Variants in AMN1 observed in about 807,000 individuals in gnomAD.
AMN1 encodes protein AMN1 homolog.
Under a neutral mutation model 33.0 loss-of-function variants are expected in AMN1, and 20 were observed. The observed-to-expected ratio is 0.61, with a 90% CI of 0.43 to 0.88. The LOEUF is 0.88. Ranked by LOEUF, AMN1 falls within the 40% of genes least tolerant of loss-of-function variation. The probability of loss-of-function intolerance (pLI) is 0.00; values close to 1 mark genes in which losing one functional copy is unlikely to be tolerated. For missense variants in AMN1, 246 were observed against 307.4 expected (o/e 0.80, Z 1.49); for synonymous variants, 114 against 111.9 (o/e 1.02, Z -0.12).
intron 1 of AMN1, chr12:31,715,928 G>A (rs555050261): frequency 2.6e-5 from 4 of 152,342 alleles, no homozygotes; most frequent in South Asian, 2.1e-4. Context: ...GTTTCCTAAC[G>A]TGACTAAATT....
intron 6 of AMN1, among the ~76,000 whole-genome samples, chr12:31,677,316 AAAAG>A (rs1187482422): frequency 1.3e-5 from 2 of 152,140 alleles, no homozygotes; most frequent in African/African-American, 4.8e-5. Flanking sequence ...AAGAAAAAGA[AAAAG>A]AATCACATAC....
At chr12:31,697,704 CAT>C (rs1491486879) in intron 4 of AMN1, 34 bp downstream of exon 4, 11 of 1,556,312 alleles carry the variant, frequency 7.1e-6, no homozygotes, top group South Asian at 6.7e-5. Context: ...TTGGTAAACA[CAT>C]AGTCTATATG....
At position 31,683,397 on chromosome 12, in the gene AMN1, G is replaced by C. The variant is rs962798322; in HGVS notation, c.703+5610C>G. The stretch of plus-strand genomic sequence containing the variant: ...CCTTTCAGGGTTGTGAACTGAACTA[G>C]TTACTTTTCTCATGGAACACCATTT... On this transcript the variant is annotated intron_variant, in intron 6 of 6. Transcript: ENST00000281471. The surrounding 1 kb of genome is among the most constrained non-coding windows in gnomAD (Gnocchi z 4.1). Among the ~76,000 whole-genome samples the C allele has an allele frequency of 2.0e-5, 3 of 152,212 alleles. No individual in the cohort carries two copies. Among genetic ancestry groups the C allele is most frequent in the African/African-American group, 4.8e-5 (2 of 41,458 alleles).
chr12:31,689,130 TA>T lies in AMN1; in HGVS notation c.592-13del, dbSNP rs766575052. ...CCCATATGAATCTCCTATGCAAAAA[TA>T]AAGAAAATAAAGTCAAATGAAAACA... On this transcript the variant is annotated splice_polypyrimidine_tract_variant and intron_variant, in intron 5 of 6. Transcript: ENST00000281471. The T allele has an allele frequency of 1.6e-5, 25 of 1,528,850 alleles. No individual in the cohort carries two copies. Among genetic ancestry groups the T allele is most frequent in the Non-Finnish European group, 2.2e-5 (24 of 1,109,276 alleles). The allele number at this position is 1,528,850 out of a possible 1,614,324, so 94.7% of individuals were successfully genotyped here. A position where few individuals can be genotyped will look rare whatever the true frequency, so the allele number is the denominator to read the frequency against.
intron 6 of AMN1, among the ~76,000 whole-genome samples, chr12:31,686,467 G>T (rs1370881288): frequency 1.3e-5 from 2 of 151,876 alleles, no homozygotes; most frequent in Non-Finnish European, 2.9e-5. Flanking sequence ...AAGAAAATTG[G>T]TATTTATTGC....
At chr12:31,724,903 C>A (rs1204372286) in intron 1 of AMN1, among the ~76,000 whole-genome samples, 5 of 152,224 alleles carry the variant, frequency 3.3e-5, no homozygotes, top group African/African-American at 1.2e-4. Flanking sequence ...GGCCACAAAG[C>A]CCATCCAGAA....
chr12:31,695,490 T>TCTTTC (rs1555187137), intron 5 of AMN1, among the ~76,000 whole-genome samples: 5 of 138,604 alleles, frequency 3.6e-5, no homozygotes, highest in South Asian at 2.3e-4. Context: ...TTTCTTTCTT[T>TCTTTC]TTTTTTTTTT....
rs556672469 is a variant in AMN1 at position 31,683,108 on chromosome 12, G to A, written c.703+5899C>T. 2.0e-4 allele frequency among the ~76,000 whole-genome samples: 31 copies of A among 152,092 alleles called. No individual in the cohort carries two copies. The highest frequency in any genetic ancestry group is 1.4e-3 in the East Asian group (7 of 5,162). On this transcript the variant is annotated intron_variant, in intron 6 of 6. Coordinates refer to ENST00000281471, the MANE Select transcript of AMN1 (RefSeq NM_001113402.2). This position sits in a 1 kb window ranked among gnomAD's most constrained non-coding sequence, Gnocchi z 4.1. ...CATCAGAGTAGCTGGGATTACAGGCGTGCGCCACCATGCCCAGCTAATTTT... is the reference window on the plus strand; with the variant it reads ...CATCAGAGTAGCTGGGATTACAGGCATGCGCCACCATGCCCAGCTAATTTT...
intron 1 of AMN1, among the ~76,000 whole-genome samples, chr12:31,711,512 G>A (rs1308532076): frequency 6.6e-6 from 1 of 152,168 alleles, no homozygotes; most frequent in African/African-American, 2.4e-5. Flanking sequence ...CCTTGCATGA[G>A]CTTGCTGGCT....
intron 6 of AMN1, among the ~76,000 whole-genome samples, chr12:31,679,124 A>G (rs2139655174): frequency 6.6e-6 from 1 of 152,162 alleles, no homozygotes; most frequent in South Asian, 2.1e-4. Context: ...TCTGACCAAC[A>G]TGGCGAAACC....
intron 5 of AMN1, among the ~76,000 whole-genome samples, chr12:31,695,377 G>A (rs918120810): frequency 4.0e-5 from 6 of 151,868 alleles, no homozygotes; most frequent in Admixed American, 1.3e-4. Flanking sequence ...GTAAGTGCTC[G>A]ACAAATGTTT....
At chr12:31,680,096 C>T (rs889513612) in intron 6 of AMN1, among the ~76,000 whole-genome samples, 12 of 144,936 alleles carry the variant, frequency 8.3e-5, no homozygotes, top group Non-Finnish European at 1.7e-4. Flanking sequence ...ACACTCCAGG[C>T]GGCAACAAAG....
Position 31,711,021 on chromosome 12 carries a change from T to TG in AMN1, c.39-1597dup, listed in dbSNP as rs200066642. Among the ~76,000 whole-genome samples, 35 of 152,212 alleles carry TG rather than the reference T, an allele frequency of 2.3e-4. No homozygotes were observed. In the East Asian group the frequency reaches 6.6e-3, roughly 29 times the overall value. On this transcript the variant is annotated intron_variant, in intron 1 of 6. Transcript: ENST00000281471. Reference sequence around the variant, plus strand: ...GCCTCCCAGGTTCAAGCAATTCTTCTGCCTCAGCCTCCCAAGTAGCTGAGA... The same window carrying TG: ...GCCTCCCAGGTTCAAGCAATTCTTCTGGCCTCAGCCTCCCAAGTAGCTGAGA...
chr12:31,697,705 A>G, intron 4 of AMN1, 35 bp downstream of exon 4: 2 of 1,578,744 alleles, frequency 1.3e-6, no homozygotes, highest in South Asian at 1.1e-5. Context: ...TGGTAAACAC[A>G]TAGTCTATAT....
chr12:31,717,876 C>T (rs2139724442), intron 1 of AMN1, among the ~76,000 whole-genome samples: 1 of 152,104 alleles, frequency 6.6e-6, no homozygotes, highest in South Asian at 2.1e-4. Flanking sequence ...CCCCTTGTCC[C>T]CAACCCCCCG....
rs1027942417 is a variant in AMN1 at position 31,671,794 on chromosome 12, A to C, written c.*510T>G. The C allele has an allele frequency of 6.6e-6, 1 of 152,556 alleles. No homozygotes were observed. Among genetic ancestry groups the C allele is most frequent in the Non-Finnish European group, 1.5e-5 (1 of 68,296 alleles). The allele number at this position is 152,556 out of a possible 1,614,324, so 9.5% of individuals were successfully genotyped here. A position where few individuals can be genotyped will look rare whatever the true frequency, so the allele number is the denominator to read the frequency against. ...TGAAACAAATACCTAAATTCTTTGAAGAATTAACAGGCTTGATGTTCAGGT... is the reference window on the plus strand; with the variant it reads ...TGAAACAAATACCTAAATTCTTTGACGAATTAACAGGCTTGATGTTCAGGT... On this transcript the variant is annotated 3_prime_UTR_variant, in exon 7 of 7. Transcript: ENST00000281471.
intron 6 of AMN1, among the ~76,000 whole-genome samples, chr12:31,688,704 A>G (rs1165857427): frequency 2.0e-5 from 3 of 152,078 alleles, no homozygotes; most frequent in Admixed American, 6.6e-5. Context: ...CCAGCTACTC[A>G]GGAGGCTGAG....
intron 1 of AMN1, among the ~76,000 whole-genome samples, chr12:31,714,219 C>T (rs1939584214): frequency 6.6e-6 from 1 of 152,102 alleles, no homozygotes; most frequent in Non-Finnish European, 1.5e-5. Context: ...ACACCTCCAC[C>T]TGTAACATAA....
At position 31,697,894 on chromosome 12, in the gene AMN1, T is replaced by C. The variant is rs557425414; in HGVS notation, c.380A>G (p.Asn127Ser). 4.0e-5 allele frequency: 65 copies of C among 1,614,022 alleles called. No homozygotes were observed. The highest frequency in any genetic ancestry group is 7.7e-5 in the South Asian group (7 of 91,088). ...AGCAACGACTCCTTCGTCAGTGAGA[T>C]TGCAGCATCTTTTCAAAGAAGCTTC... ...LHEASLKRCC[N>S]LTDEGVVALA... The change falls in exon 4 of 7, where the codon AAT (asparagine) becomes AGT (serine). Residue 127 changes from asparagine (N) to serine (S), a missense_variant. Coordinates refer to ENST00000281471, the MANE Select transcript of AMN1 (RefSeq NM_001113402.2).
Sources: allele counts gnomAD v4.1 joint callset (sites outside exome capture counted in the v4.1 genomes callset), GRCh38; gene constraint gnomAD v4.1.1; non-coding constraint Gnocchi (gnomAD v3.1); transcripts MANE v1.5; gene names NCBI Gene and HGNC (gene_info 2026-07-23, HGNC 2026-07-21).